The following CNBD2 variants were observed in gnomAD, a reference collection of about 807,000 sequenced individuals.
CNBD2 encodes cyclic nucleotide-binding domain-containing protein 2.
In CNBD2, 64 loss-of-function variants were observed where a neutral mutation model predicts 63.7. The ratio of observed to expected loss-of-function variants is 1.00; its 90% confidence interval spans 0.82 to 1.24. The LOEUF is 1.24. Ranked by LOEUF, CNBD2 falls within the 50% of genes most tolerant of loss-of-function variation. CNBD2 has a pLI of 0.00. For missense variants in CNBD2, 691 were observed against 713.5 expected (o/e 0.97, Z 0.36); for synonymous variants, 229 against 255.4 (o/e 0.90, Z 0.99).
At chr20:35,976,111 C>G (rs959075305) in intron 3 of CNBD2, 109 bp downstream of exon 3, 1 of 938,862 alleles carries the variant, frequency 1.1e-6, no homozygotes, top group Admixed American at 1.9e-5. Context: ...GGCTCTGCCA[C>G]CAACTCAGCT....
intron 8 of CNBD2, among the ~76,000 whole-genome samples, chr20:36,007,763 T>G (rs1265319210): frequency 1.3e-5 from 2 of 152,194 alleles, no homozygotes; most frequent in African/African-American, 2.4e-5. Flanking sequence ...GCTCAAGTGA[T>G]CCTCTACTTT....
chr20:36,009,404 G>C (rs979125384), intron 9 of CNBD2, among the ~76,000 whole-genome samples: 16 of 151,768 alleles, frequency 1.1e-4, no homozygotes, highest in Admixed American at 5.2e-4. Context: ...AGGTTTCACC[G>C]TATTAGCCAG....
chr20:35,973,385 C>T (rs2056451003), intron 2 of CNBD2: 1 of 152,620 alleles, frequency 6.6e-6, no homozygotes. Flanking sequence ...GGGGCATTTT[C>T]AGGGCTTTGT....
rs544600071 is a variant in CNBD2, at chr20:35,989,895, G to A, written c.855+2362G>A. On this transcript the variant is annotated intron_variant, in intron 7 of 11. Coordinates refer to ENST00000373973, the MANE Select transcript of CNBD2 (RefSeq NM_001365709.1). ...AGAGAGAGAGAGAGAGAGAGAAGAG[G>A]GGAGGGGAGGGGAGGGGGAAGAAAG... is the stretch of plus-strand genomic sequence containing the variant. Among the ~76,000 whole-genome samples, 8 of 140,452 alleles carry A rather than the reference G, an allele frequency of 5.7e-5. No homozygotes were observed. In the South Asian group the frequency reaches 1.0e-3, roughly 18 times the overall value. 92.1% of individuals were successfully genotyped at this position (140,452 alleles called of 152,430 possible). A position where few individuals can be genotyped will look rare whatever the true frequency, so the allele number is the denominator to read the frequency against.
chr20:36,013,800 C>T (rs2057096419), intron 10 of CNBD2, among the ~76,000 whole-genome samples: 1 of 152,176 alleles, frequency 6.6e-6, no homozygotes, highest in Non-Finnish European at 1.5e-5. Context: ...GCCTAGAATA[C>T]TCCATGTAGT....
chr20:36,022,217 T>TG lies in CNBD2; in HGVS notation c.1270-1384dup, dbSNP rs1555815508. Among the ~76,000 whole-genome samples the TG allele has an allele frequency of 2.1e-4, 22 of 107,166 alleles. No homozygotes were observed. In the South Asian group the frequency reaches 3.7e-3, roughly 18 times the overall value. 70.3% of individuals were successfully genotyped at this position (107,166 alleles called of 152,430 possible). On this transcript the variant is annotated intron_variant, in intron 10 of 11. Coordinates refer to ENST00000373973, the MANE Select transcript of CNBD2 (RefSeq NM_001365709.1). ...TTTCTTTTTTTTTTTTTTTTTTTTT[T>TG]GAGATGGAGTCTCGCTCTGTCGTCA...
At chr20:35,977,304 C>T (rs2056534301) in intron 3 of CNBD2, among the ~76,000 whole-genome samples, 2 of 152,166 alleles carry the variant, frequency 1.3e-5, no homozygotes, top group East Asian at 3.9e-4. Context: ...AATTTATCCT[C>T]CCGTCTCAGC....
Position 36,006,616 on chromosome 20 carries a change from C to A in CNBD2, c.971-1681C>A, listed in dbSNP as rs1453146021. ...ATGTTTTGTAGAGACGGGGGTTTGCCATGTTGCCCAGACTGGTCTCGAACT... is the reference window on the plus strand; with the variant it reads ...ATGTTTTGTAGAGACGGGGGTTTGCAATGTTGCCCAGACTGGTCTCGAACT... On this transcript the variant is annotated intron_variant, in intron 8 of 11. Transcript: ENST00000373973. 2.0e-5 allele frequency among the ~76,000 whole-genome samples: 3 copies of A among 152,238 alleles called. No individual in the cohort carries two copies. In the East Asian group the frequency reaches 5.8e-4, roughly 30 times the overall value.
chr20:35,968,298 G>A (rs2056364661), upstream of CNBD2, among the ~76,000 whole-genome samples: 1 of 152,142 alleles, frequency 6.6e-6, no homozygotes, highest in Admixed American at 6.5e-5. Flanking sequence ...ACTGGTAGGA[G>A]TGTCTTATGT....
intron 3 of CNBD2, among the ~76,000 whole-genome samples, chr20:35,978,364 A>G (rs908263490): frequency 1.6e-4 from 22 of 133,914 alleles, no homozygotes; most frequent in African/African-American, 6.2e-4. Context: ...TTTTTTTTTG[A>G]GACGGAGTCG....
chr20:35,993,620 T>C (rs1290950509), intron 7 of CNBD2, among the ~76,000 whole-genome samples: 5 of 152,176 alleles, frequency 3.3e-5, no homozygotes, highest in Admixed American at 3.3e-4. Flanking sequence ...AAATTGTAGA[T>C]ATACATCTTA....
At chr20:36,003,324 A>AT (rs2056942234) in intron 8 of CNBD2, among the ~76,000 whole-genome samples, 1 of 151,724 alleles carries the variant, frequency 6.6e-6, no homozygotes, top group Admixed American at 6.6e-5. Context: ...ATCCTTCATG[A>AT]TTTTTTAATA....
At chr20:35,996,196 T>TA (rs1568890641) in intron 8 of CNBD2, among the ~76,000 whole-genome samples, 1 of 152,218 alleles carries the variant, frequency 6.6e-6, no homozygotes, top group African/African-American at 2.4e-5. Flanking sequence ...AAATGCTTAT[T>TA]AAACATCTGT....
rs2056682297 is a variant in CNBD2 at position 35,987,385 on chromosome 20, C to T, written c.717-10C>T. The T allele has an allele frequency of 1.9e-6, 3 of 1,614,082 alleles. No homozygotes were observed. Among genetic ancestry groups the T allele is most frequent in the Non-Finnish European group, 2.5e-6 (3 of 1,180,018 alleles). On this transcript the variant is annotated splice_polypyrimidine_tract_variant and intron_variant, in intron 6 of 11. Transcript: ENST00000373973. ...TGGAGTTGATGAATTCTAACAGGCTCTTCCCACAGGAAGATGGAGCTGTTT... is the reference window on the plus strand; with the variant it reads ...TGGAGTTGATGAATTCTAACAGGCTTTTCCCACAGGAAGATGGAGCTGTTT...
chr20:36,005,023 ATAAT>A (rs1438052288), intron 8 of CNBD2, among the ~76,000 whole-genome samples: 7 of 152,234 alleles, frequency 4.6e-5, no homozygotes, highest in South Asian at 4.1e-4. Flanking sequence ...TGCATATATC[ATAAT>A]TAATTTAATT....
At chr20:35,963,560 G>C (rs924675733) in intron 2 of CNBD2, among the ~76,000 whole-genome samples, 1 of 151,726 alleles carries the variant, frequency 6.6e-6, no homozygotes, top group Admixed American at 6.6e-5. Context: ...AGAATCGCTT[G>C]AACCCAGGAG....
chr20:35,954,740 G>T, exon 1 of CNBD2: 1 of 771,874 alleles, frequency 1.3e-6, no homozygotes, highest in Non-Finnish European at 1.8e-6. Flanking sequence ...TCCGTGCGCC[G>T]CTTCGGTTTG....
intron 11 of CNBD2, among the ~76,000 whole-genome samples, chr20:36,026,958 A>C (rs1053277991): frequency 9.2e-5 from 14 of 152,234 alleles, no homozygotes; most frequent in African/African-American, 3.4e-4. Flanking sequence ...TACAGTGCCC[A>C]GCATGCAGAA....
At position 36,005,237 on chromosome 20, in the gene CNBD2, G is replaced by A. The variant is rs145494207; in HGVS notation, c.971-3060G>A. Among the ~76,000 whole-genome samples, 618 of 152,272 alleles carry A rather than the reference G, an allele frequency of 4.1e-3. 8 individuals are homozygous for A. Among genetic ancestry groups the A allele is most frequent in the African/African-American group, 0.014 (593 of 41,546 alleles). On this transcript the variant is annotated intron_variant, in intron 8 of 11. Transcript: ENST00000373973. ...TGGAAGACAATTTTTTCACAGATGGGGGCAGGTGGTAACGCTTTTGGAATG... is the reference window on the plus strand; with the variant it reads ...TGGAAGACAATTTTTTCACAGATGGAGGCAGGTGGTAACGCTTTTGGAATG...
Sources: allele counts gnomAD v4.1 joint callset (sites outside exome capture counted in the v4.1 genomes callset), GRCh38; gene constraint gnomAD v4.1.1; transcripts MANE v1.5; gene names NCBI Gene and HGNC (gene_info 2026-07-23, HGNC 2026-07-21).